C3orf70: variants seen among roughly 807,000 people sequenced by gnomAD.
C3orf70 encodes the protein chromosome 3 open reading frame 70.
A neutral mutation model predicts 20.7 loss-of-function variants in C3orf70; 15 were observed. The observed-to-expected ratio is 0.72, with a 90% CI of 0.48 to 1.11. C3orf70 has a LOEUF of 1.11. Ranked by LOEUF, C3orf70 falls within the 50% of genes most tolerant of loss-of-function variation. The pLI, the probability that C3orf70 is intolerant of heterozygous loss-of-function variation, is 0.00. For synonymous variants in C3orf70, 161 were observed against 125.7 expected, an observed-to-expected ratio of 1.28 and a Z score of -1.88; for missense variants, 332 against 317.6, an observed-to-expected ratio of 1.05 and a Z score of -0.34.
At chr3:185,111,873 A>C (rs1716079651) in intron 1 of C3orf70, among the ~76,000 whole-genome samples, 2 of 152,248 alleles carry the variant, frequency 1.3e-5, no homozygotes, top group South Asian at 4.1e-4. Flanking sequence ...TAATTATATT[A>C]TTTGCCTGAC....
rs571225322 is a variant in C3orf70, at chr3:185,142,225, C to CA, written c.196+10402dup. Among the ~76,000 whole-genome samples, 9 of 152,186 alleles carry CA rather than the reference C, an allele frequency of 5.9e-5. No individual in the cohort carries two copies. The East Asian group carries it at 1.7e-3, about 29-fold the overall frequency. On this transcript the variant is annotated intron_variant, in intron 1 of 1. Coordinates refer to ENST00000335012, the MANE Select transcript of C3orf70 (RefSeq NM_001025266.3). ...CTGTAATCCCTGCACTTTGGGAGGC[C>CA]AAGGCAGGCATCGCTTGAGCTCACA...
In C3orf70 at chr3:185,128,776, T is replaced by C. The variant is rs529777808; in HGVS notation, c.196+23852A>G. ...AGCACAGGTCACTTTCACTGTGAAT[T>C]TCCTTCTATCAAACGCGCTTCTGTG... On this transcript the variant is annotated intron_variant, in intron 1 of 1. Coordinates refer to ENST00000335012, the MANE Select transcript of C3orf70 (RefSeq NM_001025266.3). 7.9e-5 allele frequency among the ~76,000 whole-genome samples: 12 copies of C among 152,306 alleles called. No homozygotes were observed. The East Asian group carries it at 2.1e-3, about 27-fold the overall frequency.
At chr3:185,147,546 C>T (rs1716901415) in intron 1 of C3orf70, among the ~76,000 whole-genome samples, 1 of 152,140 alleles carries the variant, frequency 6.6e-6, no homozygotes, top group Admixed American at 6.5e-5. Context: ...GTTAAGAGTC[C>T]GGGTGTAGAA....
chr3:185,145,065 C>T (rs1716829738), intron 1 of C3orf70, among the ~76,000 whole-genome samples: 1 of 152,214 alleles, frequency 6.6e-6, no homozygotes, highest in Non-Finnish European at 1.5e-5. Flanking sequence ...TATGTGTATA[C>T]GATTCCCTAT....
In C3orf70 at chr3:185,080,436, A is replaced by G. The variant is rs1435023403; in HGVS notation, c.*2571T>C. ...CAGAAATGTGGCCCCGTGACCACGTATATCCATGGCTTTAGAAATCTGGTT... is the reference window on the plus strand; with the variant it reads ...CAGAAATGTGGCCCCGTGACCACGTGTATCCATGGCTTTAGAAATCTGGTT... On this transcript the variant is annotated 3_prime_UTR_variant, in exon 2 of 2. Transcript: ENST00000335012. 2.0e-5 allele frequency: 3 copies of G among 152,722 alleles called. No homozygotes were observed. The highest frequency in any genetic ancestry group is 2.9e-5 in the Non-Finnish European group (2 of 68,098). 9.5% of individuals were successfully genotyped at this position (152,722 alleles called of 1,614,324 possible).
At chr3:185,104,137 C>T (rs9784374) in intron 1 of C3orf70, among the ~76,000 whole-genome samples, 1,645 of 152,320 alleles carry the variant, frequency 0.011, 37 homozygotes, top group African/African-American at 0.038. Flanking sequence ...CTCCCCCCTC[C>T]GCTGTGGACA....
At chr3:185,109,194 C>T (rs1297965041) in intron 1 of C3orf70, among the ~76,000 whole-genome samples, 1 of 152,128 alleles carries the variant, frequency 6.6e-6, no homozygotes, top group Non-Finnish European at 1.5e-5. Context: ...TTTGAGCCTG[C>T]CCAAAGGCCA....
chr3:185,078,972 C>G lies in C3orf70; in HGVS notation c.*4035G>C, dbSNP rs945706890. ...AATACTTGTGATGGTTCAAATAGAC[C>G]AAGAAGTGGAGGATTAGAAGTAAAG... On this transcript the variant is annotated 3_prime_UTR_variant, in exon 2 of 2. Coordinates refer to ENST00000335012, the MANE Select transcript of C3orf70 (RefSeq NM_001025266.3). 1 of 152,008 alleles carries G rather than the reference C, an allele frequency of 6.6e-6. No individual in the cohort carries two copies. Among genetic ancestry groups the G allele is most frequent in the African/African-American group, 2.4e-5 (1 of 41,470 alleles). The allele number at this position is 152,008 out of a possible 1,614,324, so 9.4% of individuals were successfully genotyped here. A position where few individuals can be genotyped will look rare whatever the true frequency, so the allele number is the denominator to read the frequency against.
intron 1 of C3orf70, among the ~76,000 whole-genome samples, chr3:185,142,649 T>A (rs540772130): frequency 3.9e-5 from 6 of 152,156 alleles, no homozygotes; most frequent in Admixed American, 2.0e-4. Context: ...GACTATTCAC[T>A]CAGCATCAAA....
At chr3:185,132,756 G>A (rs913494640) in intron 1 of C3orf70, among the ~76,000 whole-genome samples, 15 of 152,166 alleles carry the variant, frequency 9.9e-5, no homozygotes, top group African/African-American at 3.4e-4. Flanking sequence ...GGACATCAAT[G>A]CACAGATTGA....
chr3:185,110,702 C>T (rs973576336), intron 1 of C3orf70, among the ~76,000 whole-genome samples: 3 of 152,220 alleles, frequency 2.0e-5, no homozygotes, highest in South Asian at 2.1e-4. Context: ...CCACCCAGGG[C>T]GGAAAACCGC....
At chr3:185,093,991 ACATC>A (rs1178092117) in intron 1 of C3orf70, among the ~76,000 whole-genome samples, 1 of 151,904 alleles carries the variant, frequency 6.6e-6, no homozygotes, top group Non-Finnish European at 1.5e-5. Context: ...TAACCTATGC[ACATC>A]CTTCTGTATA....
chr3:185,128,710 A>G (rs182157850), intron 1 of C3orf70, among the ~76,000 whole-genome samples: 3 of 152,316 alleles, frequency 2.0e-5, no homozygotes, highest in African/African-American at 7.2e-5. Context: ...TTTATGTAAA[A>G]CAGATAAACA....
intron 1 of C3orf70, among the ~76,000 whole-genome samples, chr3:185,130,296 A>C (rs1030255579): frequency 1.3e-5 from 2 of 152,088 alleles, no homozygotes; most frequent in Non-Finnish European, 2.9e-5. Flanking sequence ...TAAAAATACA[A>C]AAACAAAATT....
At chr3:185,115,606 G>A (rs1288276574) in intron 1 of C3orf70, among the ~76,000 whole-genome samples, 4 of 152,130 alleles carry the variant, frequency 2.6e-5, no homozygotes, top group Non-Finnish European at 4.4e-5. Context: ...CCCTCCTTTT[G>A]CCTCTTGGGA....
chr3:185,152,876 T>C lies in C3orf70; in HGVS notation c.-53A>G. On this transcript the variant is annotated 5_prime_UTR_variant, in exon 1 of 2. Transcript: ENST00000335012. ...CCGGGAGCCCGGGAGAAGCGACGTC[T>C]GGGTGGGCAGGAAGCCGAGCCGGCT... is the stretch of plus-strand genomic sequence containing the variant. 2 of 1,424,150 alleles carry C rather than the reference T, an allele frequency of 1.4e-6. No individual in the cohort carries two copies. The highest frequency in any genetic ancestry group is 1.8e-6 in the Non-Finnish European group (2 of 1,082,020). The allele number at this position is 1,424,150 out of a possible 1,614,324, so 88.2% of individuals were successfully genotyped here. A position where few individuals can be genotyped will look rare whatever the true frequency, so the allele number is the denominator to read the frequency against.
chr3:185,110,547 G>GC (rs543519113), intron 1 of C3orf70, among the ~76,000 whole-genome samples: 18 of 151,144 alleles, frequency 1.2e-4, no homozygotes, highest in South Asian at 1.0e-3. Context: ...TTAGGAGCAG[G>GC]CCCCCCCTCA....
chr3:185,136,700 G>C (rs1169296713), intron 1 of C3orf70, among the ~76,000 whole-genome samples: 2 of 152,074 alleles, frequency 1.3e-5, no homozygotes, highest in African/African-American at 4.8e-5. Context: ...CTCCAGCCTG[G>C]GCGACAGAGC....
chr3:185,103,109 G>A (rs1715854699), intron 1 of C3orf70, among the ~76,000 whole-genome samples: 1 of 152,104 alleles, frequency 6.6e-6, no homozygotes, highest in Non-Finnish European at 1.5e-5. Context: ...GCCAGGCGTG[G>A]TGGCACCTGC....
Sources: allele counts gnomAD v4.1 joint callset (sites outside exome capture counted in the v4.1 genomes callset), GRCh38; gene constraint gnomAD v4.1.1; transcripts MANE v1.5; gene names NCBI Gene and HGNC (gene_info 2026-07-23, HGNC 2026-07-21).